DLG2: variants seen among roughly 807,000 people sequenced by gnomAD.
DLG2 encodes the protein disks large homolog 2.
In DLG2, 45 loss-of-function variants were observed where a neutral mutation model predicts 132.5. The observed-to-expected ratio is 0.34, with a 90% CI of 0.27 to 0.44. DLG2 has a LOEUF of 0.44. Ranked by LOEUF, DLG2 falls within the 20% of genes least tolerant of loss-of-function variation. The probability of loss-of-function intolerance (pLI) is 1.00; values close to 1 mark genes in which losing one functional copy is unlikely to be tolerated. For synonymous variants in DLG2, 424 were observed against 419.6 expected, an observed-to-expected ratio of 1.01 and a Z score of -0.13; for missense variants, 1,045 against 1,196.9, an observed-to-expected ratio of 0.87 and a Z score of 1.87.
intron 4 of DLG2, among the ~76,000 whole-genome samples, chr11:85,252,445 G>T (rs2076443263): frequency 6.6e-6 from 1 of 152,190 alleles, no homozygotes; most frequent in Non-Finnish European, 1.5e-5. Context: ...AATTAGCCAA[G>T]CATGGTGGCA....
chr11:84,789,049 A>C (rs2073398126), intron 6 of DLG2, among the ~76,000 whole-genome samples: 1 of 152,194 alleles, frequency 6.6e-6, no homozygotes, highest in African/African-American at 2.4e-5. Context: ...AAGTGAAACA[A>C]AGAGAGACAT....
chr11:84,747,898 G>T (rs2065589491), intron 6 of DLG2, among the ~76,000 whole-genome samples: 1 of 152,158 alleles, frequency 6.6e-6, no homozygotes, highest in Non-Finnish European at 1.5e-5. Context: ...GCGCCTAATA[G>T]AAGGAGACAA....
intron 7 of DLG2, among the ~76,000 whole-genome samples, chr11:84,439,444 T>C (rs981057129): frequency 1.3e-5 from 2 of 152,018 alleles, no homozygotes; most frequent in African/African-American, 4.8e-5. Context: ...TTCTACCTCC[T>C]TTGACATGCC....
At chr11:84,542,736 A>C (rs566071696) in intron 6 of DLG2, among the ~76,000 whole-genome samples, 1 of 152,182 alleles carries the variant, frequency 6.6e-6, no homozygotes, top group Non-Finnish European at 1.5e-5. Context: ...AAAAACAGAA[A>C]ACCAAAAGGA....
intron 7 of DLG2, among the ~76,000 whole-genome samples, chr11:84,501,629 C>A (rs7949537): frequency 6.6e-6 from 1 of 152,038 alleles, no homozygotes; most frequent in Non-Finnish European, 1.5e-5. Context: ...TTGCTTACAT[C>A]GTTGAGATTT....
chr11:85,066,785 G>A (rs577132231), intron 6 of DLG2, among the ~76,000 whole-genome samples: 3 of 151,480 alleles, frequency 2.0e-5, no homozygotes, highest in South Asian at 4.2e-4. Context: ...ATCAAAAAAC[G>A]AGCTTCAAGA....
At chr11:84,300,182 TG>T (rs1389450042) in intron 7 of DLG2, among the ~76,000 whole-genome samples, 1 of 152,178 alleles carries the variant, frequency 6.6e-6, no homozygotes, top group Non-Finnish European at 1.5e-5. Context: ...CTTTCCCATC[TG>T]ATCAGTCACA....
intron 7 of DLG2, among the ~76,000 whole-genome samples, chr11:84,318,793 G>A (rs1409524821): frequency 6.6e-6 from 1 of 152,120 alleles, no homozygotes; most frequent in African/African-American, 2.4e-5. Context: ...TAAGTTTAGA[G>A]GGCAGGTTCT....
chr11:84,126,404 C>T (rs907661656), intron 9 of DLG2, among the ~76,000 whole-genome samples: 1 of 152,042 alleles, frequency 6.6e-6, no homozygotes, highest in Non-Finnish European at 1.5e-5. Context: ...CAAGGAGAGG[C>T]TGGCCTTTTA....
intron 6 of DLG2, among the ~76,000 whole-genome samples, chr11:84,560,344 C>G (rs952396123): frequency 2.6e-5 from 4 of 152,048 alleles, no homozygotes; most frequent in African/African-American, 9.7e-5. Context: ...AACTCAGTCC[C>G]CATTAGGAGG....
intron 6 of DLG2, among the ~76,000 whole-genome samples, chr11:84,833,269 A>G (rs866225861): frequency 2.0e-5 from 3 of 151,782 alleles, no homozygotes; most frequent in African/African-American, 7.2e-5. Flanking sequence ...TAATAAATTC[A>G]CATCAGCAGG....
rs540889252 is a variant in DLG2, at chr11:84,396,971, G to A, written c.519+137599C>T. 5.9e-5 allele frequency among the ~76,000 whole-genome samples: 9 copies of A among 152,264 alleles called. No individual in the cohort carries two copies. In the South Asian group the frequency reaches 1.0e-3, roughly 18 times the overall value. ...GAAAAGGTTTAATAGTAAATGTCAC[G>A]TGCATGAATGTCCTTTATCCTGTAT... On this transcript the variant is annotated intron_variant, in intron 7 of 27. Transcript: ENST00000376104.
intron 7 of DLG2, among the ~76,000 whole-genome samples, chr11:84,309,956 G>A (rs941884078): frequency 6.6e-6 from 1 of 152,106 alleles, no homozygotes; most frequent in Non-Finnish European, 1.5e-5. Flanking sequence ...CTGGTGTTAA[G>A]TGCTGTGGGA....
chr11:84,958,371 C>A (rs919917891), intron 6 of DLG2, among the ~76,000 whole-genome samples: 1 of 152,194 alleles, frequency 6.6e-6, no homozygotes, highest in African/African-American at 2.4e-5. Flanking sequence ...AAGACCAGCT[C>A]TGTGATTATG....
chr11:84,135,374 A>C (rs1266556202), intron 9 of DLG2, among the ~76,000 whole-genome samples: 1 of 152,102 alleles, frequency 6.6e-6, no homozygotes. Flanking sequence ...TTTTTAAAGG[A>C]CAAGAAAAAT....
At chr11:83,668,770 AACAC>A (rs781679636) in intron 18 of DLG2, among the ~76,000 whole-genome samples, 3 of 121,392 alleles carry the variant, frequency 2.5e-5, no homozygotes, top group African/African-American at 3.8e-5. Flanking sequence ...TGTGTATATA[AACAC>A]ACATATATAT....
At chr11:83,571,984 G>C (rs1035682386) in intron 19 of DLG2, among the ~76,000 whole-genome samples, 2 of 151,954 alleles carry the variant, frequency 1.3e-5, no homozygotes, top group African/African-American at 2.4e-5. Context: ...TCTCTGTATG[G>C]TGTGATTCTA....
chr11:84,320,238 C>A (rs897486025), intron 7 of DLG2, among the ~76,000 whole-genome samples: 4 of 152,142 alleles, frequency 2.6e-5, no homozygotes, highest in African/African-American at 9.7e-5. Flanking sequence ...AGAACAATCA[C>A]TAGTTTCAAA....
At chr11:83,498,177 T>C (rs2094251415) in intron 21 of DLG2, among the ~76,000 whole-genome samples, 2 of 152,138 alleles carry the variant, frequency 1.3e-5, no homozygotes, top group South Asian at 4.1e-4. Context: ...TTTGGCTGTA[T>C]GACTTTAGAA....
Sources: allele counts gnomAD v4.1 joint callset (sites outside exome capture counted in the v4.1 genomes callset), GRCh38; gene constraint gnomAD v4.1.1; transcripts MANE v1.5; gene names NCBI Gene and HGNC (gene_info 2026-07-23, HGNC 2026-07-21).